The following CDH2 variants were observed in gnomAD, a reference collection of about 807,000 sequenced individuals.
CDH2 encodes cadherin-2.
A neutral mutation model predicts 92.0 loss-of-function variants in CDH2; 17 were observed. The ratio of observed to expected loss-of-function variants is 0.18; its 90% CI spans 0.13 to 0.28. CDH2 has a LOEUF of 0.28. Ranked by LOEUF, CDH2 falls within the 10% of genes least tolerant of loss-of-function variation. CDH2 has a pLI of 1.00. For missense variants in CDH2, 862 were observed against 1,133.1 expected (o/e 0.76, Z 3.44); for synonymous variants, 419 against 415.9 (o/e 1.01, Z -0.09).
intron 2 of CDH2, among the ~76,000 whole-genome samples, chr18:28,015,188 C>T (rs900428449): frequency 1.3e-5 from 2 of 152,184 alleles, no homozygotes; most frequent in African/African-American, 2.4e-5. Flanking sequence ...CACACAGCCA[C>T]ATCTAAATAA....
intron 1 of CDH2, among the ~76,000 whole-genome samples, chr18:28,153,678 G>T (rs2144338634): frequency 6.6e-6 from 1 of 152,290 alleles, no homozygotes; most frequent in Admixed American, 6.5e-5. Flanking sequence ...CCTCTGAGAA[G>T]AAACAGTTCC....
intron 14 of CDH2, among the ~76,000 whole-genome samples, chr18:27,964,732 A>AGAT (rs1441835613): frequency 6.6e-6 from 1 of 152,198 alleles, no homozygotes; most frequent in Non-Finnish European, 1.5e-5. Context: ...CCCACTTAAG[A>AGAT]GATGAGAAAA....
chr18:28,076,632 C>G (rs2014724605), intron 2 of CDH2, among the ~76,000 whole-genome samples: 1 of 151,584 alleles, frequency 6.6e-6, no homozygotes. Flanking sequence ...TTTTCATGTG[C>G]TGCACCCATT....
rs142718259 is a variant in CDH2 at position 28,030,043 on chromosome 18, C to T, written c.173-16134G>A. Among the ~76,000 whole-genome samples the T allele has an allele frequency of 2.8e-3, 419 of 152,098 alleles. 2 individuals carry two copies. Among genetic ancestry groups the T allele is most frequent in the African/African-American group, 9.9e-3 (412 of 41,510 alleles). On this transcript the variant is annotated intron_variant, in intron 2 of 15. Transcript: ENST00000269141. ...TCTGTATGTATTAGCTAAAACAAAT[C>T]GAGTTAGGCTAAAATAATATTCTTA...
chr18:28,005,939 T>C lies in CDH2; in HGVS notation c.757A>G (p.Ile253Val), dbSNP rs751897139. ...NGNQVENPIDIVINVIDMNDN... is the reference protein window; with the variant it reads ...NGNQVENPIDVVINVIDMNDN... ...TTCATGTCAATAACATTGATGACAA[T>C]GTCAATGGGGTTCTCCACTTGATTT... The change falls in exon 6 of 16, where the codon ATT (isoleucine) becomes GTT (valine). Residue 253 changes from isoleucine to valine, a missense_variant. Ile to Val is a conservative substitution (Grantham distance 29). Transcript: ENST00000269141. The C allele has an allele frequency of 1.2e-6, 2 of 1,611,506 alleles. No homozygotes were observed. Among genetic ancestry groups the C allele is most frequent in the African/African-American group, 1.3e-5 (1 of 75,012 alleles).
intron 14 of CDH2, among the ~76,000 whole-genome samples, chr18:27,976,455 A>G (rs2011833351): frequency 6.6e-6 from 1 of 152,154 alleles, no homozygotes; most frequent in South Asian, 2.1e-4. Flanking sequence ...AGGATGGGAG[A>G]GCCTTCTGAC....
chr18:28,146,905 T>C (rs912813627), intron 2 of CDH2, among the ~76,000 whole-genome samples: 4 of 152,282 alleles, frequency 2.6e-5, no homozygotes, highest in African/African-American at 9.6e-5. Flanking sequence ...AATGACATTT[T>C]GCGTAATAAT....
At chr18:28,057,903 A>G (rs115967199) in intron 2 of CDH2, among the ~76,000 whole-genome samples, 1,862 of 152,262 alleles carry the variant, frequency 0.012, 47 homozygotes, top group African/African-American at 0.043. Context: ...ATCACTCATC[A>G]TGGAGTAGAA....
Position 28,005,996 on chromosome 18 carries a change from G to A in CDH2, c.703-3C>T, listed in dbSNP as rs2012905310. 1 of 1,604,324 alleles carries A rather than the reference G, an allele frequency of 6.2e-7. No homozygotes were observed. Among genetic ancestry groups the A allele is most frequent in the Non-Finnish European group, 8.5e-7 (1 of 1,172,880 alleles). ...ATATCTACTGCATGTGCCCTCAACTGCAAAAGTAATTAGAAAACAACTATT... is the reference window on the plus strand; with the variant it reads ...ATATCTACTGCATGTGCCCTCAACTACAAAAGTAATTAGAAAACAACTATT... On this transcript the variant is annotated splice_region_variant and splice_polypyrimidine_tract_variant and intron_variant, in intron 5 of 15. Coordinates refer to ENST00000269141, the MANE Select transcript of CDH2 (RefSeq NM_001792.5).
At chr18:28,052,593 G>A (rs951452110) in intron 2 of CDH2, among the ~76,000 whole-genome samples, 1 of 152,106 alleles carries the variant, frequency 6.6e-6, no homozygotes, top group Non-Finnish European at 1.5e-5. Flanking sequence ...TGTTACATGG[G>A]TACGTGCATC....
Position 27,998,825 on chromosome 18 carries a change from G to A in CDH2, c.1020+4172C>T, listed in dbSNP as rs914984810. Among the ~76,000 whole-genome samples, 3 of 152,152 alleles carry A rather than the reference G, an allele frequency of 2.0e-5. No homozygotes were observed. The East Asian group carries it at 5.8e-4, about 29-fold the overall frequency. On this transcript the variant is annotated intron_variant, in intron 7 of 15. Transcript: ENST00000269141. ...AGTAGAGACAGGGTTTCGCCATGTG[G>A]CCCAGGCTGGTCTCAAACTCCTAGG...
chr18:28,073,313 C>T (rs1217416504), intron 2 of CDH2, among the ~76,000 whole-genome samples: 1 of 152,062 alleles, frequency 6.6e-6, no homozygotes, highest in Non-Finnish European at 1.5e-5. Flanking sequence ...TGTCAAGGTT[C>T]CCATACAATG....
intron 6 of CDH2, among the ~76,000 whole-genome samples, chr18:27,942,531 A>G (rs1211835404): frequency 5.9e-5 from 9 of 152,206 alleles, no homozygotes; most frequent in Non-Finnish European, 8.8e-5. Context: ...ACCTCTGGCC[A>G]TGTTTAATTT....
intron 2 of CDH2, among the ~76,000 whole-genome samples, chr18:28,120,644 T>C (rs955929959): frequency 6.6e-6 from 1 of 152,012 alleles, no homozygotes; most frequent in Non-Finnish European, 1.5e-5. Context: ...AACAGTACTA[T>C]AAAACACACA....
At chr18:28,090,190 T>TATTTTTGCA in intron 2 of CDH2, among the ~76,000 whole-genome samples, 1 of 152,326 alleles carries the variant, frequency 6.6e-6, no homozygotes, top group Middle Eastern at 3.4e-3. Flanking sequence ...TTAGTAATTG[T>TATTTTTGCA]TCTTTTTTGC....
chr18:28,084,588 G>T (rs62103085), intron 2 of CDH2, among the ~76,000 whole-genome samples: 1 of 151,136 alleles, frequency 6.6e-6, no homozygotes, highest in African/African-American at 2.4e-5. Flanking sequence ...AAAAAAAAAG[G>T]ATACACACAC....
intron 2 of CDH2, among the ~76,000 whole-genome samples, chr18:28,122,174 T>C (rs1357459756): frequency 3.9e-5 from 6 of 152,160 alleles, no homozygotes; most frequent in Non-Finnish European, 5.9e-5. Context: ...TTTATACCTA[T>C]GTTTTAAGGC....
chr18:27,994,785 G>A (rs1395890531), intron 7 of CDH2, among the ~76,000 whole-genome samples: 1 of 151,820 alleles, frequency 6.6e-6, no homozygotes, highest in Non-Finnish European at 1.5e-5. Context: ...AGGGGGAGGG[G>A]CAAAGAAAAG....
chr18:28,003,511 T>G lies in CDH2; in HGVS notation c.848-342A>C, dbSNP rs11564305. Among the ~76,000 whole-genome samples, 1,172 of 152,302 alleles carry G rather than the reference T, an allele frequency of 7.7e-3. 7 individuals are homozygous for G. Among genetic ancestry groups the G allele is most frequent in the Non-Finnish European group, 0.013 (909 of 68,020 alleles). The stretch of plus-strand genomic sequence containing the variant: ...CAAATAATGGGTAATACAGATACCA[T>G]TAGAAAAGTAATTTATTGCCGCTGA... On this transcript the variant is annotated intron_variant, in intron 6 of 15. Transcript: ENST00000269141.
Sources: gnomAD v4.1 joint callset for allele counts (sites outside exome capture counted in the v4.1 genomes callset) on GRCh38, gnomAD v4.1.1 for gene constraint, MANE v1.5 for transcripts, NCBI Gene and HGNC (gene_info 2026-07-23, HGNC 2026-07-21) for gene names.